The following GPC5 variants were observed in gnomAD, a reference collection of about 807,000 sequenced individuals.
GPC5 encodes glypican 5, also known as glypican-5.
In GPC5, 47 loss-of-function variants were observed where a neutral mutation model predicts 53.9. The ratio of observed to expected loss-of-function variants is 0.87; its 90% confidence interval spans 0.69 to 1.11. The LOEUF is 1.11. Among genes scored for constraint, GPC5 ranks in the 50% most tolerant of loss-of-function variants. The pLI is 0.00. For synonymous variants in GPC5, 286 were observed against 263.3 expected, an observed-to-expected ratio of 1.09 and a Z score of -0.84; for missense variants, 748 against 713.1, an observed-to-expected ratio of 1.05 and a Z score of -0.56.
intron 7 of GPC5, among the ~76,000 whole-genome samples, chr13:92,806,433 C>A (rs1877102327): frequency 6.6e-6 from 1 of 152,140 alleles, no homozygotes; most frequent in Admixed American, 6.6e-5. Flanking sequence ...GTAGCACTTT[C>A]AATTTCCTTC....
At chr13:92,657,579 GTTTTTTTTTTTTTT>G (rs67038073) in intron 7 of GPC5, among the ~76,000 whole-genome samples, 2 of 106,730 alleles carry the variant, frequency 1.9e-5, no homozygotes, top group Admixed American at 2.2e-4. Flanking sequence ...AGGTTTTTTG[GTTTTTTTTTTTTTT>G]TTTTTTTTTT....
intron 2 of GPC5, among the ~76,000 whole-genome samples, chr13:91,533,366 A>G (rs1886439478): frequency 6.6e-6 from 1 of 152,128 alleles, no homozygotes; most frequent in South Asian, 2.1e-4. Flanking sequence ...GTCATTAACA[A>G]CTCTATTTTT....
chr13:92,753,777 A>G (rs1874706981), intron 7 of GPC5, among the ~76,000 whole-genome samples: 1 of 152,116 alleles, frequency 6.6e-6, no homozygotes, highest in Admixed American at 6.5e-5. Flanking sequence ...GAAGTTTAGA[A>G]AAAAAAAGAA....
chr13:91,415,475 A>G (rs1034641610), intron 1 of GPC5, among the ~76,000 whole-genome samples: 4 of 152,156 alleles, frequency 2.6e-5, no homozygotes, highest in African/African-American at 9.7e-5. Context: ...ACAGCCGCAC[A>G]TAGACCTGGT....
At chr13:92,395,723 C>T (rs550358880) in intron 7 of GPC5, among the ~76,000 whole-genome samples, 1 of 151,928 alleles carries the variant, frequency 6.6e-6, no homozygotes, top group Non-Finnish European at 1.5e-5. Context: ...TTTGTTTTCC[C>T]CTTTTCAATG....
intron 6 of GPC5, among the ~76,000 whole-genome samples, chr13:91,928,291 T>C (rs2039787929): frequency 6.6e-6 from 1 of 152,200 alleles, no homozygotes; most frequent in Admixed American, 6.5e-5. Flanking sequence ...CATTAATGAG[T>C]ATTCTCTCTA....
intron 6 of GPC5, among the ~76,000 whole-genome samples, chr13:92,133,070 T>C (rs1448541017): frequency 6.6e-6 from 1 of 152,078 alleles, no homozygotes; most frequent in Non-Finnish European, 1.5e-5. Context: ...TTTAAATAGT[T>C]AACAGGAGAA....
chr13:91,909,773 A>G (rs533586897), intron 6 of GPC5, among the ~76,000 whole-genome samples: 2 of 152,274 alleles, frequency 1.3e-5, no homozygotes, highest in South Asian at 4.1e-4. Context: ...AAAAAGGATT[A>G]TAGAAACCCT....
intron 6 of GPC5, among the ~76,000 whole-genome samples, chr13:92,108,665 G>A (rs930465320): frequency 4.6e-5 from 7 of 151,998 alleles, no homozygotes; most frequent in Admixed American, 1.3e-4. Context: ...TTGACTATTC[G>A]CAATCCTATT....
chr13:92,118,080 G>T (rs1037554825), intron 6 of GPC5, among the ~76,000 whole-genome samples: 4 of 151,838 alleles, frequency 2.6e-5, no homozygotes, highest in South Asian at 2.1e-4. Context: ...GGCAGTTTTG[G>T]TTTTTTTGTT....
At chr13:91,460,870 T>TA (rs1290336435) in intron 2 of GPC5, among the ~76,000 whole-genome samples, 2 of 152,128 alleles carry the variant, frequency 1.3e-5, no homozygotes, top group African/African-American at 4.8e-5. Context: ...AAAAATAAGA[T>TA]ACCTTTCTTT....
At position 92,399,596 on chromosome 13, in the gene GPC5, G is replaced by C. The variant is rs146157029; in HGVS notation, c.1561+254607G>C. Among the ~76,000 whole-genome samples the C allele has an allele frequency of 3.6e-3, 553 of 152,218 alleles. 4 individuals carry two copies. The highest frequency in any genetic ancestry group is 0.013 in the African/African-American group (520 of 41,532). On this transcript the variant is annotated intron_variant, in intron 7 of 7. Transcript: ENST00000377067. ...GGCCTGTTGTTCCCGTAATGATAAA[G>C]AGTGTTGCCACATTGGATTCCAGGC...
chr13:91,873,530 C>G (rs761740105), intron 5 of GPC5, among the ~76,000 whole-genome samples: 1 of 152,052 alleles, frequency 6.6e-6, no homozygotes, highest in Non-Finnish European at 1.5e-5. Context: ...GTTTTAAAAA[C>G]GAGAGTCCCC....
At chr13:92,228,163 C>T (rs905452317) in intron 7 of GPC5, among the ~76,000 whole-genome samples, 3 of 148,158 alleles carry the variant, frequency 2.0e-5, no homozygotes, top group Admixed American at 6.9e-5. Flanking sequence ...AGATGGAAGG[C>T]GAAGAAGGAG....
In GPC5 at chr13:91,438,924, A is replaced by G. The variant is rs541483926; in HGVS notation, c.164-9837A>G. Reference sequence around the variant, plus strand: ...TTGATCTCAGACTGCTGTGCTAACAATGAGTGAGGCTCCGTGGGCGTAGGA... The same window carrying G: ...TTGATCTCAGACTGCTGTGCTAACAGTGAGTGAGGCTCCGTGGGCGTAGGA... On this transcript the variant is annotated intron_variant, in intron 1 of 7. Transcript: ENST00000377067. Among the ~76,000 whole-genome samples the G allele has an allele frequency of 2.9e-4, 44 of 152,336 alleles. No homozygotes were observed. In the South Asian group the frequency reaches 9.1e-3, roughly 32 times the overall value.
chr13:91,739,796 A>G (rs2036891552), intron 4 of GPC5, among the ~76,000 whole-genome samples: 1 of 151,596 alleles, frequency 6.6e-6, no homozygotes, highest in Non-Finnish European at 1.5e-5. Flanking sequence ...TAGGTTACAC[A>G]GGTCATCCCT....
rs193098522 is a variant in GPC5, at chr13:92,166,128, A to T, written c.1561+21139A>T. On this transcript the variant is annotated intron_variant, in intron 7 of 7. Transcript: ENST00000377067. ...GTTGGAAAGGGTATTTATAAATATT[A>T]GTCTAAATACCTGAACAAGTAATTT... Among the ~76,000 whole-genome samples, 145 of 152,352 alleles carry T rather than the reference A, an allele frequency of 9.5e-4. 1 individual carries two copies. Among genetic ancestry groups the T allele is most frequent in the Middle Eastern group, 3.4e-3 (1 of 294 alleles).
intron 5 of GPC5, among the ~76,000 whole-genome samples, chr13:91,785,982 T>G (rs561624346): frequency 6.6e-6 from 1 of 152,156 alleles, no homozygotes; most frequent in East Asian, 1.9e-4. Flanking sequence ...CACTCTCTAC[T>G]ACAATGATTC....
At chr13:92,741,440 A>G (rs1199292985) in intron 7 of GPC5, among the ~76,000 whole-genome samples, 1 of 151,894 alleles carries the variant, frequency 6.6e-6, no homozygotes, top group Non-Finnish European at 1.5e-5. Context: ...TGCCTCCTCA[A>G]ACTTGGCCTT....
Sources: gnomAD v4.1 joint callset for allele counts (sites outside exome capture counted in the v4.1 genomes callset) on GRCh38, gnomAD v4.1.1 for gene constraint, MANE v1.5 for transcripts, NCBI Gene and HGNC (gene_info 2026-07-23, HGNC 2026-07-21) for gene names.